INPP4A: variants seen among roughly 807,000 people sequenced by gnomAD.
The protein encoded by INPP4A is inositol polyphosphate-4-phosphatase, type I, 107kD.
A neutral mutation model predicts 119.8 loss-of-function variants in INPP4A; 33 were observed. The ratio of observed to expected loss-of-function variants is 0.28; its 90% confidence interval spans 0.21 to 0.37. The LOEUF is 0.37. Ranked by LOEUF, INPP4A falls within the 10% of genes least tolerant of loss-of-function variation. The pLI, the probability that INPP4A is intolerant of heterozygous loss-of-function variation, is 1.00. For missense variants in INPP4A, 956 were observed against 1,289.9 expected, an observed-to-expected ratio of 0.74 and a Z score of 3.97; for synonymous variants, 496 against 500.7, an observed-to-expected ratio of 0.99 and a Z score of 0.12.
chr2:98,462,531 T>C (rs575179516), intron 1 of INPP4A, among the ~76,000 whole-genome samples: 1 of 152,026 alleles, frequency 6.6e-6, no homozygotes, highest in East Asian at 1.9e-4. Flanking sequence ...TTAATTATTA[T>C]TGTTTTTTTT....
chr2:98,477,470 G>A (rs1399318013), intron 1 of INPP4A, among the ~76,000 whole-genome samples: 2 of 152,228 alleles, frequency 1.3e-5, no homozygotes, highest in Non-Finnish European at 2.9e-5. Flanking sequence ...GCCTTTCTCT[G>A]AGATACTTGG....
chr2:98,571,132 C>T (rs139443643), intron 22 of INPP4A, among the ~76,000 whole-genome samples: 4 of 152,314 alleles, frequency 2.6e-5, no homozygotes, highest in Middle Eastern at 3.4e-3. Flanking sequence ...TAGCAGGGAC[C>T]GGAGTTCAAA....
In INPP4A at chr2:98,566,559, C is replaced by T. The variant is rs1696482637; in HGVS notation, c.2420+390C>T. 6.6e-6 allele frequency among the ~76,000 whole-genome samples: 1 copy of T among 152,052 alleles called. No individual in the cohort carries two copies. Among genetic ancestry groups the T allele is most frequent in the South Asian group, 2.1e-4 (1 of 4,818 alleles). On this transcript the variant is annotated intron_variant, in intron 21 of 24. Transcript: ENST00000409851. This position sits in a 1 kb window ranked among gnomAD's most constrained non-coding sequence, Gnocchi z 4.2. Reference sequence around the variant, plus strand: ...ATGATGAGGTGGAGGGGAGACATGTCAGATTAAGAAGACTGAAGAAAGGCC... The same window carrying T: ...ATGATGAGGTGGAGGGGAGACATGTTAGATTAAGAAGACTGAAGAAAGGCC...
At chr2:98,502,160 C>T (rs1683248528) in intron 1 of INPP4A, among the ~76,000 whole-genome samples, 1 of 152,174 alleles carries the variant, frequency 6.6e-6, no homozygotes, top group African/African-American at 2.4e-5. Flanking sequence ...TTAGGTGATA[C>T]CTGTGTTCTC....
At chr2:98,495,050 G>A (rs1681656568) in intron 1 of INPP4A, among the ~76,000 whole-genome samples, 1 of 152,180 alleles carries the variant, frequency 6.6e-6, no homozygotes. Flanking sequence ...CACCACAGGA[G>A]TCCAGCCAAG....
chr2:98,550,247 GA>G (rs1477275521), intron 13 of INPP4A, among the ~76,000 whole-genome samples: 2 of 152,104 alleles, frequency 1.3e-5, no homozygotes, highest in African/African-American at 4.8e-5. Context: ...GCAGGGAGGG[GA>G]TGGAGCGGGG....
chr2:98,510,679 G>A (rs1373267412), intron 1 of INPP4A, among the ~76,000 whole-genome samples: 2 of 152,094 alleles, frequency 1.3e-5, no homozygotes, highest in East Asian at 1.9e-4. Context: ...CAAAGGCCCC[G>A]CTTCTTAATA....
intron 1 of INPP4A, among the ~76,000 whole-genome samples, chr2:98,492,889 G>C (rs1286564061): frequency 6.6e-6 from 1 of 152,194 alleles, no homozygotes; most frequent in Non-Finnish European, 1.5e-5. Context: ...TAAGGAGCCT[G>C]GGGCTGGAGG....
chr2:98,508,108 A>G (rs2105487265), intron 1 of INPP4A, among the ~76,000 whole-genome samples: 1 of 152,054 alleles, frequency 6.6e-6, no homozygotes, highest in African/African-American at 2.4e-5. Context: ...CTGCAGCCAC[A>G]CCTCTCCTGA....
chr2:98,493,492 G>A (rs1424977684), intron 1 of INPP4A, among the ~76,000 whole-genome samples: 1 of 143,780 alleles, frequency 7.0e-6, no homozygotes, highest in East Asian at 2.0e-4. Context: ...CAACCTCCCA[G>A]GCTCGAGATC....
chr2:98,466,813 CTT>C (rs769664104), intron 1 of INPP4A, among the ~76,000 whole-genome samples: 2 of 152,152 alleles, frequency 1.3e-5, no homozygotes, highest in Non-Finnish European at 2.9e-5. Flanking sequence ...TTGTCTCACA[CTT>C]ATGTATTTTT....
At chr2:98,548,830 G>T in intron 13 of INPP4A, 1 of 842,330 alleles carries the variant, frequency 1.2e-6, no homozygotes, top group Non-Finnish European at 1.9e-6. Flanking sequence ...CCCTGTAGTT[G>T]GGACCTCAAC....
At chr2:98,490,655 CTCT>C (rs1364945035) in intron 1 of INPP4A, among the ~76,000 whole-genome samples, 1 of 152,146 alleles carries the variant, frequency 6.6e-6, no homozygotes, top group African/African-American at 2.4e-5. Flanking sequence ...TTTCCTTCCT[CTCT>C]TCTTCTGTTT....
At chr2:98,448,709 CTT>C (rs1211225577) in intron 1 of INPP4A, among the ~76,000 whole-genome samples, 24 of 76,782 alleles carry the variant, frequency 3.1e-4, no homozygotes, top group Admixed American at 4.2e-4. Flanking sequence ...CTCTCTCTCT[CTT>C]TTTTTTTTTT....
chr2:98,571,646 G>A (rs918736709), intron 22 of INPP4A, among the ~76,000 whole-genome samples: 2 of 152,240 alleles, frequency 1.3e-5, no homozygotes, highest in African/African-American at 4.8e-5. Context: ...GCAGATGTGA[G>A]CCAGGTACCC....
chr2:98,572,839 C>T lies in INPP4A; in HGVS notation c.2543C>T (p.Thr848Met), dbSNP rs1182294597. The change falls in exon 23 of 25, where the codon ACG becomes ATG. Residue 848 changes from threonine (T) to methionine (M), a missense_variant. This residue lies in a region of INPP4A where 304 missense variants were observed against 492.1 expected (regional missense o/e 0.62). Transcript: ENST00000409851. ...EDCLPRSRSQ[T>M]CLPELLRFLG... is the part of the protein sequence containing the mutation. ...GGCCTGCCTCGGTCTCGCAGTCAGA[C>T]GTGCCTGCCAGAGCTGCTGCGGTTT... The T allele has an allele frequency of 1.3e-6, 2 of 1,567,876 alleles. No individual in the cohort carries two copies. The highest frequency in any genetic ancestry group is 1.7e-6 in the Non-Finnish European group (2 of 1,156,692).
chr2:98,544,140 C>G (rs1692051126), intron 11 of INPP4A, 133 bp downstream of exon 11: 1 of 713,564 alleles, frequency 1.4e-6, no homozygotes. Context: ...CACATTCCCA[C>G]TGACAGACAC....
At chr2:98,516,715 G>A (rs1360125396) in intron 1 of INPP4A, among the ~76,000 whole-genome samples, 1 of 152,116 alleles carries the variant, frequency 6.6e-6, no homozygotes. Flanking sequence ...CATGCCTGGG[G>A]TGCTGCCCTG....
At chr2:98,497,416 C>T (rs895366225) in intron 1 of INPP4A, among the ~76,000 whole-genome samples, 2 of 152,190 alleles carry the variant, frequency 1.3e-5, no homozygotes, top group Non-Finnish European at 2.9e-5. Flanking sequence ...GACCACTGTC[C>T]TCCAGAGCCC....
Sources: gnomAD v4.1 joint callset for allele counts (sites outside exome capture counted in the v4.1 genomes callset) on GRCh38, gnomAD v4.1.1 for gene constraint, gnomAD v4.1.1 regional missense constraint, Gnocchi (gnomAD v3.1) non-coding constraint, MANE v1.5 for transcripts, NCBI Gene and HGNC (gene_info 2026-07-23, HGNC 2026-07-21) for gene names.